Variants in BCAS3 observed in about 807,000 individuals in gnomAD.
The protein encoded by BCAS3 is BCAS3 microtubule associated cell migration factor.
In BCAS3, 53 loss-of-function variants were observed where a neutral mutation model predicts 116.1. That is an observed-to-expected ratio of 0.46 (90% CI 0.37 to 0.57). The LOEUF is 0.57. Among genes scored for constraint, BCAS3 ranks in the 20% least tolerant of loss-of-function variants. The pLI is 0.00. For missense variants in BCAS3, 917 were observed against 1,165.4 expected, an observed-to-expected ratio of 0.79 and a Z score of 3.10; for synonymous variants, 391 against 408.2, an observed-to-expected ratio of 0.96 and a Z score of 0.51.
chr17:60,793,048 T>C (rs761907193), intron 6 of BCAS3, among the ~76,000 whole-genome samples: 21 of 152,142 alleles, frequency 1.4e-4, no homozygotes, highest in Non-Finnish European at 2.5e-4. Flanking sequence ...GGTTCATCCA[T>C]GTTGTAGCAT....
intron 6 of BCAS3, among the ~76,000 whole-genome samples, chr17:60,802,293 AAAATATAT>A (rs1568283021): frequency 7.4e-6 from 1 of 135,800 alleles, no homozygotes; most frequent in African/African-American, 3.2e-5. Flanking sequence ...CAAAAAAAAA[AAAATATAT>A]ATATATATAT....
chr17:60,936,113 GT>G (rs1221796350), intron 13 of BCAS3, among the ~76,000 whole-genome samples: 1 of 150,912 alleles, frequency 6.6e-6, no homozygotes, highest in East Asian at 1.9e-4. Context: ...GCAGTGTTTG[GT>G]TTTTTGTCCT....
chr17:61,254,282 T>C (rs1258006591), intron 22 of BCAS3, among the ~76,000 whole-genome samples: 2 of 152,218 alleles, frequency 1.3e-5, no homozygotes, highest in Admixed American at 6.5e-5. Context: ...ACTTCTGCCG[T>C]AAAGAGGGCT....
In BCAS3 at chr17:60,961,031, T is replaced by C. The variant is rs1231612717; in HGVS notation, c.1221+13679T>C. 6.6e-6 allele frequency among the ~76,000 whole-genome samples: 1 copy of C among 152,096 alleles called. No homozygotes were observed. The highest frequency in any genetic ancestry group is 6.5e-5 in the Admixed American group (1 of 15,270). On this transcript the variant is annotated intron_variant, in intron 14 of 23. Coordinates refer to ENST00000407086, the MANE Select transcript of BCAS3 (RefSeq NM_017679.5). The surrounding 1 kb of genome is among the most constrained non-coding windows in gnomAD (Gnocchi z 4.8). ...ATGTTGTCAAGCTATACTCCTGGCC[T>C]TCAGAGCACATTTTCCCAACCATGA...
chr17:61,001,214 T>A (rs2064214709), intron 15 of BCAS3, among the ~76,000 whole-genome samples: 2 of 152,154 alleles, frequency 1.3e-5, no homozygotes, highest in African/African-American at 4.8e-5. Context: ...GTACAAAGCC[T>A]CTCATTTCTT....
At position 61,302,610 on chromosome 17, in the gene BCAS3, A is replaced by G. The variant is rs1212004934; in HGVS notation, c.2426-65717A>G. ...ATATAATTACAAGGTGCATATCATTATTACTCCCATTTTCTTGCTAAGGAA... is the reference window on the plus strand; with the variant it reads ...ATATAATTACAAGGTGCATATCATTGTTACTCCCATTTTCTTGCTAAGGAA... On this transcript the variant is annotated intron_variant, in intron 22 of 23. Coordinates refer to ENST00000407086, the MANE Select transcript of BCAS3 (RefSeq NM_017679.5). This position sits in a 1 kb window ranked among gnomAD's most constrained non-coding sequence, Gnocchi z 4.4. Among the ~76,000 whole-genome samples the G allele has an allele frequency of 1.3e-5, 2 of 152,194 alleles. No homozygotes were observed. The highest frequency in any genetic ancestry group is 1.3e-4 in the Admixed American group (2 of 15,280).
chr17:61,059,560 G>A (rs1244470576), intron 19 of BCAS3, among the ~76,000 whole-genome samples: 1 of 152,136 alleles, frequency 6.6e-6, no homozygotes, highest in Non-Finnish European at 1.5e-5. Context: ...CTTCCGTGAG[G>A]TCTTTCTTGC....
At chr17:60,767,000 A>T (rs9898025) in intron 6 of BCAS3, among the ~76,000 whole-genome samples, 1 of 151,954 alleles carries the variant, frequency 6.6e-6, no homozygotes, top group African/African-American at 2.4e-5. Context: ...TTGGACCCGC[A>T]GAGCCAGGCA....
At chr17:61,058,267 A>G (rs1237635398) in intron 19 of BCAS3, among the ~76,000 whole-genome samples, 1 of 152,192 alleles carries the variant, frequency 6.6e-6, no homozygotes, top group Non-Finnish European at 1.5e-5. Context: ...TTTTGGCCAT[A>G]TGATTCTGTG....
chr17:61,351,054 A>G (rs1313500700), intron 22 of BCAS3, among the ~76,000 whole-genome samples: 1 of 152,218 alleles, frequency 6.6e-6, no homozygotes, highest in African/African-American at 2.4e-5. Context: ...CGTACTTCAG[A>G]TCTAAATATA....
chr17:60,954,129 C>T (rs1370167349), intron 14 of BCAS3, among the ~76,000 whole-genome samples: 2 of 152,088 alleles, frequency 1.3e-5, no homozygotes, highest in South Asian at 2.1e-4. Context: ...GTCCTTTCCC[C>T]ATTGCTTGTT....
At position 61,251,819 on chromosome 17, in the gene BCAS3, T is replaced by C. The variant is rs1251778081; in HGVS notation, c.2426-116508T>C. ...TAGACAAAGCTACCCACTCCATCTT[T>C]GTTTATAGAACTCATTTTCAGGAAC... On this transcript the variant is annotated intron_variant, in intron 22 of 23. Transcript: ENST00000407086. The surrounding 1 kb of genome is among the most constrained non-coding windows in gnomAD (Gnocchi z 4.7). Among the ~76,000 whole-genome samples the C allele has an allele frequency of 6.6e-6, 1 of 152,218 alleles. No homozygotes were observed. Among genetic ancestry groups the C allele is most frequent in the African/African-American group, 2.4e-5 (1 of 41,452 alleles).
chr17:60,811,549 T>C (rs556566007), intron 7 of BCAS3: 226 of 360,904 alleles, frequency 6.3e-4, no homozygotes, highest in Non-Finnish European at 1.1e-3. Context: ...AGAAATCTTA[T>C]GTGGTTGTCT....
At chr17:61,064,601 T>C (rs1224467751) in intron 19 of BCAS3, among the ~76,000 whole-genome samples, 1 of 152,124 alleles carries the variant, frequency 6.6e-6, no homozygotes, top group Non-Finnish European at 1.5e-5. Context: ...GAAAAGGAGA[T>C]GGGGAGAAAA....
At chr17:60,717,304 C>G (rs2038735700) in intron 5 of BCAS3, among the ~76,000 whole-genome samples, 1 of 151,714 alleles carries the variant, frequency 6.6e-6, no homozygotes, top group African/African-American at 2.4e-5. Flanking sequence ...CAACCTCCAC[C>G]TCCCAGGTTC....
chr17:61,255,810 G>A (rs2048732113), intron 22 of BCAS3, among the ~76,000 whole-genome samples: 1 of 152,130 alleles, frequency 6.6e-6, no homozygotes, highest in Non-Finnish European at 1.5e-5. Flanking sequence ...AGTTATTTGT[G>A]GTAAAGTCCT....
At chr17:60,692,080 G>A (rs1364659436) in intron 4 of BCAS3, among the ~76,000 whole-genome samples, 14 of 150,366 alleles carry the variant, frequency 9.3e-5, no homozygotes, top group Admixed American at 8.0e-4. Flanking sequence ...GAGAAACACA[G>A]AAGAAAAAGT....
At chr17:61,216,584 C>T (rs1353978970) in intron 22 of BCAS3, among the ~76,000 whole-genome samples, 7 of 150,296 alleles carry the variant, frequency 4.7e-5, no homozygotes, top group Non-Finnish European at 7.4e-5. Context: ...CTTGCTCTGT[C>T]GCCCAGGCTG....
chr17:60,895,246 C>T (rs1479307555), intron 10 of BCAS3, among the ~76,000 whole-genome samples: 2 of 152,128 alleles, frequency 1.3e-5, no homozygotes, highest in African/African-American at 4.8e-5. Flanking sequence ...CATTATTGGT[C>T]TGCTCAGATT....
Sources: gnomAD v4.1 joint callset for allele counts (sites outside exome capture counted in the v4.1 genomes callset) on GRCh38, gnomAD v4.1.1 for gene constraint, Gnocchi (gnomAD v3.1) non-coding constraint, MANE v1.5 for transcripts, NCBI Gene and HGNC (gene_info 2026-07-23, HGNC 2026-07-21) for gene names.